Variants in PTPN13 observed in about 807,000 individuals in gnomAD.
PTPN13 encodes the protein tyrosine-protein phosphatase non-receptor type 13.
A neutral mutation model predicts 284.0 loss-of-function variants in PTPN13; 191 were observed. The ratio of observed to expected loss-of-function variants is 0.67; its 90% CI spans 0.60 to 0.76. The LOEUF (loss-of-function observed/expected upper bound fraction) is 0.76, where lower values mean the gene tolerates loss of function less well. Among genes scored for constraint, PTPN13 ranks in the 30% least tolerant of loss-of-function variants. PTPN13 has a pLI of 0.00. For missense variants in PTPN13, 2,797 were observed against 2,939.9 expected (o/e 0.95, Z 1.12); for synonymous variants, 986 against 1,022.3 (o/e 0.96, Z 0.68).
At chr4:86,720,280 C>T (rs1229012006) in intron 9 of PTPN13, among the ~76,000 whole-genome samples, 1 of 152,048 alleles carries the variant, frequency 6.6e-6, no homozygotes, top group Admixed American at 6.6e-5. Context: ...GATAAGGAAC[C>T]TCAAAAATGT....
chr4:86,773,399 T>C (rs1031902787), intron 32 of PTPN13, among the ~76,000 whole-genome samples: 4 of 151,494 alleles, frequency 2.6e-5, no homozygotes, highest in African/African-American at 9.8e-5. Flanking sequence ...TTAACCAAGT[T>C]TGAATGTAAT....
rs575312008 is a variant in PTPN13 at position 86,623,763 on chromosome 4, T to G, written c.-5-11489T>G. Among the ~76,000 whole-genome samples the G allele has an allele frequency of 3.2e-4, 48 of 152,290 alleles. 1 individual carries two copies. The highest frequency in any genetic ancestry group is 1.1e-3 in the African/African-American group (46 of 41,580). On this transcript the variant is annotated intron_variant, in intron 1 of 47. Transcript: ENST00000411767. The stretch of plus-strand genomic sequence containing the variant: ...TGCACATCTCACTCTCTCACCTCCT[T>G]TAGAACTTTGCTCAAATGACAAACT...
At chr4:86,810,975 C>G in intron 46 of PTPN13, 71 bp from the exon 47 acceptor site, 1 of 1,455,814 alleles carries the variant, frequency 6.9e-7, no homozygotes. Flanking sequence ...TAAGCCTCCC[C>G]TCTGTGATCC....
Position 86,749,149 on chromosome 4 carries a change from C to T in PTPN13, c.2651-1321C>T, listed in dbSNP as rs147725706. Reference sequence around the variant, plus strand: ...TTAATGTTTTCCTACCTCTTTATGCCTGAGAGAAAATATCAATTATTAATC... The same window carrying T: ...TTAATGTTTTCCTACCTCTTTATGCTTGAGAGAAAATATCAATTATTAATC... On this transcript the variant is annotated intron_variant, in intron 17 of 47. Coordinates refer to ENST00000411767, the MANE Select transcript of PTPN13 (RefSeq NM_080683.3). Among the ~76,000 whole-genome samples the T allele has an allele frequency of 9.9e-3, 1,502 of 152,130 alleles. 14 individuals carry two copies. Among genetic ancestry groups the T allele is most frequent in the Middle Eastern group, 0.071 (21 of 294 alleles).
chr4:86,712,712 C>T (rs1477002316), intron 7 of PTPN13, among the ~76,000 whole-genome samples: 1 of 152,040 alleles, frequency 6.6e-6, no homozygotes, highest in African/African-American at 2.4e-5. Context: ...GTAATAACCT[C>T]CTCCCCGAAG....
Position 86,728,637 on chromosome 4 carries a change from C to T in PTPN13, c.1609-3763C>T, listed in dbSNP as rs1380768520. ...TTTCATCAGAGACTAGGATTGCAAC[C>T]CCTGCCTTTTTTTTTTTTTTTTTTT... On this transcript the variant is annotated intron_variant, in intron 10 of 47. Transcript: ENST00000411767. Among the ~76,000 whole-genome samples, 21 of 123,354 alleles carry T rather than the reference C, an allele frequency of 1.7e-4. 2 individuals carry two copies. The Admixed American group carries it at 1.8e-3, about 11-fold the overall frequency. The allele number at this position is 123,354 out of a possible 152,430, so 80.9% of individuals were successfully genotyped here.
chr4:86,677,401 A>C (rs1728406844), intron 3 of PTPN13, among the ~76,000 whole-genome samples: 1 of 143,646 alleles, frequency 7.0e-6, no homozygotes. Flanking sequence ...TGCAACCTCC[A>C]CCTCCCGGGT....
Position 86,766,442 on chromosome 4 carries a change from C to T in PTPN13, c.4254C>T (p.Val1418=). The T allele has an allele frequency of 6.2e-7, 1 of 1,607,374 alleles. No homozygotes were observed. The highest frequency in any genetic ancestry group is 1.1e-5 in the South Asian group (1 of 88,958). The change falls in exon 27 of 48, where the codon GTC becomes GTT. Residue 1418 remains valine (V), a synonymous_variant. Transcript: ENST00000411767. ...SDGRIHKGDR[V]LAVNGVSLEG... ...CTGCCTAATTTTTAGGTGATCGCGTCCTAGCTGTCAATGGAGTTAGTCTAG... is the reference window on the plus strand; with the variant it reads ...CTGCCTAATTTTTAGGTGATCGCGTTCTAGCTGTCAATGGAGTTAGTCTAG...
At chr4:86,781,960 GAAA>G (rs370324871) in intron 36 of PTPN13, among the ~76,000 whole-genome samples, 1 of 113,886 alleles carries the variant, frequency 8.8e-6, no homozygotes, top group Non-Finnish European at 1.8e-5. Flanking sequence ...TGACTCTGTC[GAAA>G]AAAAAAAAAA....
chr4:86,778,997 G>C (rs1740974934), intron 35 of PTPN13, among the ~76,000 whole-genome samples: 2 of 148,776 alleles, frequency 1.3e-5, no homozygotes, highest in Non-Finnish European at 3.0e-5. Flanking sequence ...CAGCTGTTCT[G>C]AATTGTCTTC....
chr4:86,701,101 C>T, intron 6 of PTPN13, 140 bp from the exon 7 acceptor site: 1 of 608,552 alleles, frequency 1.6e-6, no homozygotes, highest in South Asian at 2.6e-5. Context: ...CTATGACCAT[C>T]ATCACCATCC....
intron 42 of PTPN13, among the ~76,000 whole-genome samples, chr4:86,800,651 G>A (rs1743911929): frequency 7.3e-6 from 1 of 137,310 alleles, no homozygotes; most frequent in Non-Finnish European, 1.6e-5. Context: ...GATCCTGTCA[G>A]AAAGAAAGAA....
At chr4:86,705,159 C>T (rs1040049454) in intron 7 of PTPN13, among the ~76,000 whole-genome samples, 2 of 151,874 alleles carry the variant, frequency 1.3e-5, no homozygotes, top group Non-Finnish European at 2.9e-5. Flanking sequence ...CACGGTGAAA[C>T]CCCATCTCTA....
intron 2 of PTPN13, among the ~76,000 whole-genome samples, chr4:86,647,505 GT>G (rs1724578631): frequency 1.3e-5 from 2 of 151,412 alleles, no homozygotes; most frequent in Non-Finnish European, 3.0e-5. Context: ...ATTGAATTTA[GT>G]TTTTAAAATG....
intron 1 of PTPN13, among the ~76,000 whole-genome samples, chr4:86,612,249 A>C (rs1159424549): frequency 6.6e-6 from 1 of 152,206 alleles, no homozygotes; most frequent in Non-Finnish European, 1.5e-5. Context: ...GCACACAAAG[A>C]AGCAGGAAAA....
At chr4:86,700,474 TA>T (rs1383270161) in intron 6 of PTPN13, among the ~76,000 whole-genome samples, 5 of 152,010 alleles carry the variant, frequency 3.3e-5, no homozygotes, top group Admixed American at 2.0e-4. Context: ...TACTGCCTTT[TA>T]AAAAAAAGTA....
intron 2 of PTPN13, among the ~76,000 whole-genome samples, chr4:86,653,694 G>T (rs1725377418): frequency 6.6e-6 from 1 of 152,030 alleles, no homozygotes; most frequent in African/African-American, 2.4e-5. Flanking sequence ...CTGGCCATTT[G>T]CTTCAAAAGA....
chr4:86,698,157 G>A (rs139328879), intron 6 of PTPN13, among the ~76,000 whole-genome samples: 2 of 152,228 alleles, frequency 1.3e-5, no homozygotes, highest in Non-Finnish European at 2.9e-5. Context: ...GAAATAATAA[G>A]ATGTCTTTGA....
At chr4:86,609,498 C>T (rs565720610) in intron 1 of PTPN13, among the ~76,000 whole-genome samples, 2 of 152,144 alleles carry the variant, frequency 1.3e-5, no homozygotes, top group Non-Finnish European at 2.9e-5. Context: ...TAATGTTGCA[C>T]TAAACTGGTG....
Sources: allele counts gnomAD v4.1 joint callset (sites outside exome capture counted in the v4.1 genomes callset), GRCh38; gene constraint gnomAD v4.1.1; transcripts MANE v1.5; gene names NCBI Gene and HGNC (gene_info 2026-07-23, HGNC 2026-07-21).